CYP2C19: variants seen among roughly 807,000 people sequenced by gnomAD.
CYP2C19 encodes the protein cytochrome P450 family 2 subfamily C member 19, also known as cytochrome P450 2C19.
Under a neutral mutation model 40.9 loss-of-function variants are expected in CYP2C19, and 59 were observed. The ratio of observed to expected loss-of-function variants is 1.44; its 90% CI spans 1.17 to 1.79. The LOEUF (loss-of-function observed/expected upper bound fraction) is 1.79. Ranked by LOEUF, CYP2C19 falls within the 40% of genes most tolerant of loss-of-function variation. CYP2C19 has a pLI of 0.00. For synonymous variants in CYP2C19, 253 were observed against 208.7 expected, an observed-to-expected ratio of 1.21 and a Z score of -1.83; for missense variants, 754 against 596.9, an observed-to-expected ratio of 1.26 and a Z score of -2.74.
chr10:94,842,958 C>G lies in CYP2C19; in HGVS notation c.1083C>G (p.Leu361=), dbSNP rs1223530198. 1 of 1,614,216 alleles carries G rather than the reference C, an allele frequency of 6.2e-7. No individual in the cohort carries two copies. ...VVHEVQRYID[L]IPTSLPHAVT... ...ACGAGGTCCAGAGATACATCGACCT[C>G]ATCCCCACCAGCCTGCCCCATGCAG... Residue 361 remains leucine (L), a synonymous_variant, in exon 7 of 9, where the codon CTC becomes CTG. Coordinates refer to ENST00000371321, the MANE Select transcript of CYP2C19 (RefSeq NM_000769.4).
chr10:94,834,533 A>C (rs1380575693), intron 6 of CYP2C19, among the ~76,000 whole-genome samples: 1 of 150,662 alleles, frequency 6.6e-6, no homozygotes, highest in African/African-American at 2.4e-5. Flanking sequence ...TTGTTCTACT[A>C]ATTTTGGTTT....
At chr10:94,815,276 G>C (rs924759648) in intron 5 of CYP2C19, among the ~76,000 whole-genome samples, 7 of 152,108 alleles carry the variant, frequency 4.6e-5, no homozygotes, top group Admixed American at 1.3e-4. Context: ...TACACATGTT[G>C]AGAGAATCTA....
chr10:94,796,466 T>G (rs1465822403), intron 5 of CYP2C19, among the ~76,000 whole-genome samples: 1 of 152,188 alleles, frequency 6.6e-6, no homozygotes, highest in African/African-American at 2.4e-5. Flanking sequence ...TAGGATTGAC[T>G]TGGCAATGTG....
At chr10:94,794,613 C>T (rs1848656767) in intron 5 of CYP2C19, among the ~76,000 whole-genome samples, 1 of 151,908 alleles carries the variant, frequency 6.6e-6, no homozygotes, top group African/African-American at 2.4e-5. Flanking sequence ...TGAAGAGGTC[C>T]TTCACATCTC....
In CYP2C19 at chr10:94,853,266, G is replaced by C. The variant is rs1367964882; in HGVS notation, c.*352G>C. On this transcript the variant is annotated 3_prime_UTR_variant, in exon 9 of 9. Transcript: ENST00000371321. ...AAAGCATTATTATTTGCTGAGTCAG[G>C]TTATTAGACCTTCCTTCCTTTGTGC... 1 of 369,940 alleles carries C rather than the reference G, an allele frequency of 2.7e-6. No individual in the cohort carries two copies. The highest frequency in any genetic ancestry group is 4.9e-6 in the Non-Finnish European group (1 of 204,930). The allele number at this position is 369,940 out of a possible 1,614,324, so 22.9% of individuals were successfully genotyped here.
Position 94,855,367 on chromosome 10 carries a change from C to G in CYP2C19, c.*2453C>G, listed in dbSNP as rs111625800. Among the ~76,000 whole-genome samples the G allele has an allele frequency of 4.7e-4, 71 of 152,212 alleles. No individual in the cohort carries two copies. The highest frequency in any genetic ancestry group is 7.5e-4 in the Non-Finnish European group (51 of 68,036). The stretch of plus-strand genomic sequence containing the variant: ...GAGCCAACAATTGGACAAGGGCAAT[C>G]TGACTGGAAAGTAGAAGTTGCTAAC... On this transcript the variant is annotated 3_prime_UTR_variant, in exon 9 of 9. Transcript: ENST00000371321.
chr10:94,852,175 T>A (rs1589380432), intron 8 of CYP2C19, among the ~76,000 whole-genome samples: 1 of 152,098 alleles, frequency 6.6e-6, no homozygotes, highest in East Asian at 1.9e-4. Flanking sequence ...AATGTGAGGG[T>A]CCAGGTCAAG....
intron 6 of CYP2C19, among the ~76,000 whole-genome samples, chr10:94,828,235 G>C (rs983315135): frequency 6.6e-6 from 1 of 151,390 alleles, no homozygotes; most frequent in African/African-American, 2.4e-5. Context: ...TTTCTGTCTC[G>C]TTGATCTGTC....
At chr10:94,800,530 T>C (rs1848749014) in intron 5 of CYP2C19, among the ~76,000 whole-genome samples, 1 of 152,196 alleles carries the variant, frequency 6.6e-6, no homozygotes. Flanking sequence ...TCAAACGCCA[T>C]GGTGGGAGAA....
rs34415420 is a variant in CYP2C19, at chr10:94,853,547, CTT to C, written c.*648_*649del. 4.3e-5 allele frequency among the ~76,000 whole-genome samples: 6 copies of C among 139,152 alleles called. No homozygotes were observed. The highest frequency in any genetic ancestry group is 6.1e-5 in the Non-Finnish European group (4 of 65,204). 91.3% of individuals were successfully genotyped at this position (139,152 alleles called of 152,430 possible). Reference sequence around the variant, plus strand: ...TATTAAATGTTCCACATTGGTGTTCCTTTTTTTTTTTTTTTTGAGACAATGTC... The same window carrying C: ...TATTAAATGTTCCACATTGGTGTTCCTTTTTTTTTTTTTTGAGACAATGTC... On this transcript the variant is annotated 3_prime_UTR_variant, in exon 9 of 9. Coordinates refer to ENST00000371321, the MANE Select transcript of CYP2C19 (RefSeq NM_000769.4).
intron 8 of CYP2C19, among the ~76,000 whole-genome samples, chr10:94,850,917 G>T (rs1405432311): frequency 1.3e-5 from 2 of 152,158 alleles, no homozygotes; most frequent in Non-Finnish European, 2.9e-5. Flanking sequence ...ATCTCCACAC[G>T]TGAAATGTGT....
intron 5 of CYP2C19, among the ~76,000 whole-genome samples, chr10:94,819,072 A>C (rs1238254905): frequency 1.3e-5 from 2 of 150,852 alleles, no homozygotes; most frequent in Non-Finnish European, 3.0e-5. Flanking sequence ...ACTAGAACTC[A>C]GGATTAAGAA....
intron 2 of CYP2C19, 55 bp from the exon 3 acceptor site, chr10:94,775,335 G>A (rs1343259718): frequency 1.4e-5 from 22 of 1,612,376 alleles, no homozygotes; most frequent in Admixed American, 1.3e-4. Flanking sequence ...CCCAGTGTCA[G>A]CTTCCTCTTT....
chr10:94,780,482 T>G lies in CYP2C19; in HGVS notation c.482-17T>G. ...CTAATGTTTACTCATATTTTAAAAT[T>G]GTTTCCAATCATTTAGCTTCACCCT... On this transcript the variant is annotated splice_polypyrimidine_tract_variant and intron_variant, in intron 3 of 8. Transcript: ENST00000371321. 6.2e-7 allele frequency: 1 copy of G among 1,612,174 alleles called. No homozygotes were observed. Among genetic ancestry groups the G allele is most frequent in the African/African-American group, 1.3e-5 (1 of 74,988 alleles).
intron 5 of CYP2C19, among the ~76,000 whole-genome samples, chr10:94,817,205 A>G (rs1238712353): frequency 1.4e-5 from 2 of 146,476 alleles, no homozygotes; most frequent in Non-Finnish European, 3.0e-5. Context: ...ACAGTGTAAA[A>G]GTGTTCCCAT....
At chr10:94,801,046 A>T (rs1421009387) in intron 5 of CYP2C19, among the ~76,000 whole-genome samples, 1 of 152,178 alleles carries the variant, frequency 6.6e-6, no homozygotes, top group Non-Finnish European at 1.5e-5. Flanking sequence ...ACCAGTACCA[A>T]TGAGATGAAC....
At chr10:94,795,363 A>G (rs150069858) in intron 5 of CYP2C19, among the ~76,000 whole-genome samples, 25,412 of 151,832 alleles carry the variant, frequency 0.17, 2,355 homozygotes, top group South Asian at 0.33. Flanking sequence ...ATAGTATTCC[A>G]TGGTGTATAT....
At chr10:94,831,458 G>GT (rs997227401) in intron 6 of CYP2C19, among the ~76,000 whole-genome samples, 2 of 152,072 alleles carry the variant, frequency 1.3e-5, no homozygotes, top group African/African-American at 4.8e-5. Context: ...TATATTTTTA[G>GT]TTTTTTGAGG....
At chr10:94,780,796 T>C (rs1490697604) in intron 4 of CYP2C19, 137 bp downstream of exon 4, 1 of 948,254 alleles carries the variant, frequency 1.1e-6, no homozygotes, top group Non-Finnish European at 1.6e-6. Flanking sequence ...GGGGTGAATA[T>C]CTGGAAAAGA....
Sources: gnomAD v4.1 joint callset for allele counts (sites outside exome capture counted in the v4.1 genomes callset) on GRCh38, gnomAD v4.1.1 for gene constraint, MANE v1.5 for transcripts, NCBI Gene and HGNC (gene_info 2026-07-23, HGNC 2026-07-21) for gene names.